PDE3A: variants seen among roughly 807,000 people sequenced by gnomAD.
PDE3A encodes the protein phosphodiesterase 3A, also known as cGMP-inhibited 3',5'-cyclic phosphodiesterase 3A.
A neutral mutation model predicts 98.3 loss-of-function variants in PDE3A; 43 were observed. That is an observed-to-expected ratio of 0.44 (90% confidence interval 0.34 to 0.56). The LOEUF (loss-of-function observed/expected upper bound fraction) is 0.56. Ranked by LOEUF, PDE3A falls within the 20% of genes least tolerant of loss-of-function variation. PDE3A has a pLI of 0.01. For missense variants in PDE3A, 1,427 were observed against 1,440.7 expected (o/e 0.99, Z 0.15); for synonymous variants, 663 against 567.9 (o/e 1.17, Z -2.38).
Position 20,386,096 on chromosome 12 carries a change from TATAA to T in PDE3A, c.960+15856_960+15859del, listed in dbSNP as rs1396475782. Among the ~76,000 whole-genome samples the T allele has an allele frequency of 8.4e-4, 40 of 47,366 alleles. 4 individuals are homozygous for T. Among genetic ancestry groups the T allele is most frequent in the African/African-American group, 2.6e-3 (37 of 13,984 alleles). 31.1% of individuals were successfully genotyped at this position (47,366 alleles called of 152,430 possible). On this transcript the variant is annotated intron_variant, in intron 1 of 15. Coordinates refer to ENST00000359062, the MANE Select transcript of PDE3A (RefSeq NM_000921.5). Reference sequence around the variant, plus strand: ...AAATATATATAAATATATAAATATATATAAATATATATATAAATATATATAAATA... The same window carrying T: ...AAATATATATAAATATATAAATATATATATATATATAAATATATATAAATA...
At chr12:20,493,506 T>C (rs1945863479) in intron 1 of PDE3A, among the ~76,000 whole-genome samples, 3 of 152,200 alleles carry the variant, frequency 2.0e-5, no homozygotes. Flanking sequence ...ATGAGGGTCC[T>C]AGAGCAAATT....
chr12:20,632,194 T>A (rs1944395997), intron 6 of PDE3A, among the ~76,000 whole-genome samples: 1 of 152,224 alleles, frequency 6.6e-6, no homozygotes, highest in African/African-American at 2.4e-5. Flanking sequence ...TCCTATCATT[T>A]TCTTTTTATT....
chr12:20,567,900 T>C (rs1321598414), intron 2 of PDE3A, among the ~76,000 whole-genome samples: 1 of 152,012 alleles, frequency 6.6e-6, no homozygotes, highest in Non-Finnish European at 1.5e-5. Context: ...CTGTGGCTTT[T>C]GTTTATGGAA....
At chr12:20,677,048 G>A (rs1455626999) in intron 15 of PDE3A, among the ~76,000 whole-genome samples, 3 of 151,966 alleles carry the variant, frequency 2.0e-5, no homozygotes. Flanking sequence ...TATGTTTTTA[G>A]TGTTCATCTG....
intron 1 of PDE3A, among the ~76,000 whole-genome samples, chr12:20,497,591 G>A (rs184857018): frequency 1.9e-4 from 28 of 149,930 alleles, no homozygotes; most frequent in Non-Finnish European, 4.4e-5. Flanking sequence ...AGTGGCATTA[G>A]AAAGATATGT....
At chr12:20,615,877 C>G (rs1943992107) in intron 3 of PDE3A, among the ~76,000 whole-genome samples, 1 of 152,108 alleles carries the variant, frequency 6.6e-6, no homozygotes, top group Non-Finnish European at 1.5e-5. Flanking sequence ...AGGCACCCAC[C>G]ACCACGCCCA....
intron 1 of PDE3A, among the ~76,000 whole-genome samples, chr12:20,420,809 G>A (rs917184714): frequency 2.6e-5 from 4 of 152,090 alleles, no homozygotes; most frequent in East Asian, 1.9e-4. Flanking sequence ...AGTCCATTTC[G>A]CTTTGCTATC....
At chr12:20,469,884 A>G (rs543821008) in intron 1 of PDE3A, among the ~76,000 whole-genome samples, 2 of 152,338 alleles carry the variant, frequency 1.3e-5, no homozygotes, top group African/African-American at 4.8e-5. Context: ...GTTAAAGGTC[A>G]GTGTTCAGAA....
chr12:20,499,740 G>A (rs1216653461), intron 1 of PDE3A, among the ~76,000 whole-genome samples: 3 of 151,978 alleles, frequency 2.0e-5, no homozygotes, highest in East Asian at 1.9e-4. Context: ...TTAAATGTAC[G>A]GTTCAATTAG....
intron 2 of PDE3A, among the ~76,000 whole-genome samples, chr12:20,598,971 C>T (rs1278529830): frequency 6.6e-6 from 1 of 152,180 alleles, no homozygotes; most frequent in Admixed American, 6.5e-5. Flanking sequence ...TTGATTATAT[C>T]ATTTTCCTTG....
chr12:20,567,548 A>G (rs1416192906), intron 2 of PDE3A, among the ~76,000 whole-genome samples: 1 of 151,990 alleles, frequency 6.6e-6, no homozygotes, highest in Non-Finnish European at 1.5e-5. Flanking sequence ...AGGAGAAGAT[A>G]GTATTTAAAT....
chr12:20,642,350 A>G lies in PDE3A; in HGVS notation c.2251+2393A>G, dbSNP rs185072727. On this transcript the variant is annotated intron_variant, in intron 10 of 15. Coordinates refer to ENST00000359062, the MANE Select transcript of PDE3A (RefSeq NM_000921.5). ...TAATTTCATGGTAGTAGCAATAGAA[A>G]GACAAGAAATATGGTCAACTCAATA... Among the ~76,000 whole-genome samples the G allele has an allele frequency of 1.1e-4, 17 of 152,330 alleles. No individual in the cohort carries two copies. The East Asian group carries it at 3.3e-3, about 29-fold the overall frequency.
chr12:20,642,030 A>G (rs932940484), intron 10 of PDE3A, among the ~76,000 whole-genome samples: 3 of 152,114 alleles, frequency 2.0e-5, no homozygotes, highest in African/African-American at 7.2e-5. Flanking sequence ...CAGCACATAC[A>G]AAAATTTGCT....
rs760652263 is a variant in PDE3A, at chr12:20,369,556, A to C, written c.272A>C (p.Gln91Pro). The C allele has an allele frequency of 6.4e-7, 1 of 1,555,596 alleles. No individual in the cohort carries two copies. Among genetic ancestry groups the C allele is most frequent in the South Asian group, 1.2e-5 (1 of 84,154 alleles). Residue 91 changes from glutamine to proline, a missense_variant, in exon 1 of 16, where the codon CAG becomes CCG. Coordinates refer to ENST00000359062, the MANE Select transcript of PDE3A (RefSeq NM_000921.5). Reference protein sequence around the residue: ...VRGEVGCDLEQCKEAAAAEEE... With the variant: ...VRGEVGCDLEPCKEAAAAEEE... Reference sequence around the variant, plus strand: ...GGGGAGGTCGGCTGTGACCTGGAGCAGTGTAAGGAGGCGGCGGCGGCGGAG... The same window carrying C: ...GGGGAGGTCGGCTGTGACCTGGAGCCGTGTAAGGAGGCGGCGGCGGCGGAG...
intron 1 of PDE3A, among the ~76,000 whole-genome samples, chr12:20,372,720 G>A (rs1943499403): frequency 6.6e-6 from 1 of 152,060 alleles, no homozygotes; most frequent in Admixed American, 6.6e-5. Flanking sequence ...TCCCCTGAAT[G>A]TCATCTGCTT....
intron 1 of PDE3A, among the ~76,000 whole-genome samples, chr12:20,419,383 C>T (rs1428896919): frequency 2.0e-5 from 3 of 151,950 alleles, no homozygotes; most frequent in Non-Finnish European, 2.9e-5. Context: ...GGCTTGAACT[C>T]CTAGGTTCAA....
At position 20,631,934 on chromosome 12, in the gene PDE3A, ATTG is replaced by A. The variant is rs1213125366; in HGVS notation, c.1761-1754_1761-1752del. ...AGAGAGCTCCAGAAACACACAACTA[ATTG>A]TTGTGGTTTCCCCCTGCTGAACTTG... On this transcript the variant is annotated intron_variant, in intron 6 of 15. Transcript: ENST00000359062. Among the ~76,000 whole-genome samples the A allele has an allele frequency of 6.1e-5, 4 of 65,154 alleles. No homozygotes were observed. The East Asian group carries it at 4.9e-3, about 79-fold the overall frequency. The allele number at this position is 65,154 out of a possible 152,430, so 42.7% of individuals were successfully genotyped here.
chr12:20,552,789 G>A lies in PDE3A; in HGVS notation c.961-3871G>A. The A allele has an allele frequency of 6.2e-7, 1 of 1,614,054 alleles. No homozygotes were observed. Among genetic ancestry groups the A allele is most frequent in the Non-Finnish European group, 8.5e-7 (1 of 1,179,904 alleles). On this transcript the variant is annotated intron_variant, in intron 1 of 15. Coordinates refer to ENST00000359062, the MANE Select transcript of PDE3A (RefSeq NM_000921.5). This position sits in a 1 kb window ranked among gnomAD's most constrained non-coding sequence, Gnocchi z 5.1. ...AGTTGTTCCTGAGTAAAGTGGAGGA[G>A]ACGTTCCAGTGTATCTGCTGTCAGG...
chr12:20,532,471 G>C (rs1188654099), intron 1 of PDE3A, among the ~76,000 whole-genome samples: 1 of 152,044 alleles, frequency 6.6e-6, no homozygotes, highest in Non-Finnish European at 1.5e-5. Flanking sequence ...CCCATTTATG[G>C]TATATGGAAC....
Sources: gnomAD v4.1 joint callset for allele counts (sites outside exome capture counted in the v4.1 genomes callset) on GRCh38, gnomAD v4.1.1 for gene constraint, Gnocchi (gnomAD v3.1) non-coding constraint, MANE v1.5 for transcripts, NCBI Gene and HGNC (gene_info 2026-07-23, HGNC 2026-07-21) for gene names.